Variants in UBE2D2 observed in about 807,000 individuals in gnomAD.
UBE2D2 encodes ubiquitin-conjugating enzyme E2 D2.
UBE2D2 carries 2 observed loss-of-function variants against 24.2 expected under a neutral mutation model. The ratio of observed to expected loss-of-function variants is 0.08; its 90% confidence interval spans 0.03 to 0.26. The LOEUF is 0.26. Ranked by LOEUF, UBE2D2 falls within the 10% of genes least tolerant of loss-of-function variation. The pLI, the probability that UBE2D2 is intolerant of heterozygous loss-of-function variation, is 1.00. For synonymous variants in UBE2D2, 58 were observed against 56.5 expected (o/e 1.03, Z -0.12); for missense variants, 44 against 177.6 (o/e 0.25, Z 4.28).
intron 2 of UBE2D2, 124 bp downstream of exon 2, chr5:139,600,559 A>T: frequency 1.2e-6 from 1 of 837,130 alleles, no homozygotes; most frequent in Non-Finnish European, 1.9e-6. Flanking sequence ...GAGCAACTCT[A>T]TGTTCATCCC....
chr5:139,617,326 A>G (rs560693560), intron 5 of UBE2D2, among the ~76,000 whole-genome samples: 11 of 152,148 alleles, frequency 7.2e-5, no homozygotes, highest in Admixed American at 7.2e-4. Flanking sequence ...GAAATAGACA[A>G]GCAATGTTAG....
intron 1 of UBE2D2, among the ~76,000 whole-genome samples, chr5:139,543,692 C>T (rs1008352732): frequency 6.6e-6 from 1 of 152,234 alleles, no homozygotes; most frequent in Admixed American, 6.5e-5. Context: ...CGCCGGTCTT[C>T]GCCACCAGAT....
At chr5:139,612,866 C>T (rs929712966) in intron 2 of UBE2D2, among the ~76,000 whole-genome samples, 30 of 152,130 alleles carry the variant, frequency 2.0e-4, no homozygotes, top group Non-Finnish European at 4.4e-5. Context: ...ACTTGAACTC[C>T]TGGGCTCAAG....
chr5:139,585,639 T>G (rs1248409395), intron 1 of UBE2D2, among the ~76,000 whole-genome samples: 1 of 152,158 alleles, frequency 6.6e-6, no homozygotes, highest in African/African-American at 2.4e-5. Flanking sequence ...TTCTGGTTGG[T>G]ACCCTACTAA....
In UBE2D2 at chr5:139,567,565, G is replaced by A. The variant is rs190481907; in HGVS notation, c.24+5750G>A. Among the ~76,000 whole-genome samples, 8 of 118,934 alleles carry A rather than the reference G, an allele frequency of 6.7e-5. No individual in the cohort carries two copies. In the East Asian group the frequency reaches 7.3e-4, roughly 11 times the overall value. The allele number at this position is 118,934 out of a possible 152,430, so 78.0% of individuals were successfully genotyped here. A position where few individuals can be genotyped will look rare whatever the true frequency, so the allele number is the denominator to read the frequency against. On this transcript the variant is annotated intron_variant, in intron 1 of 6. Transcript: ENST00000398733. ...TTTTTTTTTTTTGAGATAGAGTCTC[G>A]CTCTGTTGCCCAGGCTGGAGTGCAG...
At chr5:139,561,106 G>C (rs949448041), upstream of UBE2D2, 6 of 152,676 alleles carry the variant, frequency 3.9e-5, no homozygotes, top group African/African-American at 1.4e-4. Flanking sequence ...TGAAGTCAAC[G>C]GTCGCGGCGC....
intron 2 of UBE2D2, among the ~76,000 whole-genome samples, chr5:139,611,212 G>A (rs1339510370): frequency 2.2e-5 from 2 of 90,456 alleles, no homozygotes; most frequent in African/African-American, 4.3e-5. Flanking sequence ...TTGAGATGGA[G>A]TTTCGCTCTT....
intron 1 of UBE2D2, among the ~76,000 whole-genome samples, chr5:139,582,560 G>A (rs958767453): frequency 2.0e-5 from 3 of 150,962 alleles, no homozygotes; most frequent in Non-Finnish European, 4.4e-5. Flanking sequence ...ATTTAACAGT[G>A]TTTTAACTGC....
intron 5 of UBE2D2, among the ~76,000 whole-genome samples, chr5:139,619,950 C>T (rs753591854): frequency 1.3e-5 from 2 of 152,066 alleles, no homozygotes; most frequent in African/African-American, 2.4e-5. Context: ...TCCTCGGGAG[C>T]TTTTACTCAT....
chr5:139,577,138 G>A (rs1357618369), intron 1 of UBE2D2, among the ~76,000 whole-genome samples: 1 of 151,996 alleles, frequency 6.6e-6, no homozygotes, highest in African/African-American at 2.4e-5. Flanking sequence ...TCATCATTTT[G>A]AACACTCTAG....
At chr5:139,574,964 C>A (rs1001561399) in intron 1 of UBE2D2, among the ~76,000 whole-genome samples, 1 of 152,122 alleles carries the variant, frequency 6.6e-6, no homozygotes, top group Non-Finnish European at 1.5e-5. Context: ...GTTTTATTCA[C>A]AGTACCCGAT....
Position 139,626,744 on chromosome 5 carries a change from T to G in UBE2D2, c.399-12T>G. The G allele has an allele frequency of 1.9e-6, 3 of 1,613,282 alleles. No homozygotes were observed. Among genetic ancestry groups the G allele is most frequent in the Non-Finnish European group, 2.5e-6 (3 of 1,179,490 alleles). ...CACCTATGTTAAGCCAAGCTTCTCTTTGTGTGTACAGGTACAACAGAATAG... is the reference window on the plus strand; with the variant it reads ...CACCTATGTTAAGCCAAGCTTCTCTGTGTGTGTACAGGTACAACAGAATAG... On this transcript the variant is annotated splice_polypyrimidine_tract_variant and intron_variant, in intron 6 of 6. Transcript: ENST00000398733.
Position 139,595,896 on chromosome 5 carries a change from T to G in UBE2D2, c.25-4476T>G, listed in dbSNP as rs1324372315. 9.8e-3 allele frequency among the ~76,000 whole-genome samples: 1,401 copies of G among 142,328 alleles called. 23 individuals are homozygous for G. Among genetic ancestry groups the G allele is most frequent in the African/African-American group, 0.035 (1,350 of 38,110 alleles). The allele number at this position is 142,328 out of a possible 152,430, so 93.4% of individuals were successfully genotyped here. ...GTTTTTTTTTTGTTTTTTGTTGTTT[T>G]TTTTTTTTTTTTTTTGAGACAGAGT... On this transcript the variant is annotated intron_variant, in intron 1 of 6. Transcript: ENST00000398733.
intron 1 of UBE2D2, among the ~76,000 whole-genome samples, chr5:139,589,218 C>G (rs765494806): frequency 6.6e-6 from 1 of 151,684 alleles, no homozygotes; most frequent in Admixed American, 6.6e-5. Flanking sequence ...ATGATCAGGC[C>G]ACTGCATTCC....
intron 1 of UBE2D2, among the ~76,000 whole-genome samples, chr5:139,551,094 C>G (rs1004878150): frequency 6.6e-6 from 1 of 152,112 alleles, no homozygotes; most frequent in Non-Finnish European, 1.5e-5. Context: ...CCTGTAATCC[C>G]AGCACTTTGG....
At chr5:139,550,651 A>G (rs922770665) in intron 1 of UBE2D2, among the ~76,000 whole-genome samples, 1 of 151,926 alleles carries the variant, frequency 6.6e-6, no homozygotes, top group Non-Finnish European at 1.5e-5. Context: ...TATGAGCTGT[A>G]ACACTCTTCG....
chr5:139,608,832 C>T (rs1310940874), intron 2 of UBE2D2, among the ~76,000 whole-genome samples: 1 of 152,172 alleles, frequency 6.6e-6, no homozygotes, highest in Non-Finnish European at 1.5e-5. Flanking sequence ...TGCCTGTAAT[C>T]TCAGCACTTT....
intron 1 of UBE2D2, among the ~76,000 whole-genome samples, chr5:139,584,813 G>A (rs528222910): frequency 2.0e-5 from 3 of 151,606 alleles, no homozygotes; most frequent in East Asian, 2.0e-4. Context: ...GATTACAGGC[G>A]TGAGCCACCG....
At chr5:139,575,385 G>A (rs576049977) in intron 1 of UBE2D2, among the ~76,000 whole-genome samples, 2 of 152,126 alleles carry the variant, frequency 1.3e-5, no homozygotes, top group East Asian at 3.9e-4. Flanking sequence ...CAAAATCTTA[G>A]GTGTCAGTGT....
Sources: gnomAD v4.1 joint callset for allele counts (sites outside exome capture counted in the v4.1 genomes callset) on GRCh38, gnomAD v4.1.1 for gene constraint, MANE v1.5 for transcripts, NCBI Gene and HGNC (gene_info 2026-07-23, HGNC 2026-07-21) for gene names.